The following TEX9 variants were observed in gnomAD, a reference collection of about 807,000 sequenced individuals.
TEX9 encodes the protein testis-expressed protein 9.
In TEX9, 74 loss-of-function variants were observed where a neutral mutation model predicts 59.6. The observed-to-expected ratio is 1.24, with a 90% CI of 1.03 to 1.51. TEX9 has a LOEUF of 1.51. Among genes scored for constraint, TEX9 ranks in the 40% most tolerant of loss-of-function variants. TEX9 has a pLI of 0.00. For missense variants in TEX9, 522 were observed against 447.8 expected, an observed-to-expected ratio of 1.17 and a Z score of -1.49; for synonymous variants, 186 against 152.2, an observed-to-expected ratio of 1.22 and a Z score of -1.64.
In TEX9 at chr15:56,384,475, A is replaced by G. The variant is rs535657091; in HGVS notation, c.263+444A>G. Among the ~76,000 whole-genome samples, 4 of 152,278 alleles carry G rather than the reference A, an allele frequency of 2.6e-5. No individual in the cohort carries two copies. In the South Asian group the frequency reaches 8.3e-4, roughly 32 times the overall value. ...AAGATGAGTAAAATTCCAATTGGTA[A>G]AATCTCCTAGCCTGGTGTCTGGGTG... is the stretch of plus-strand genomic sequence containing the variant. On this transcript the variant is annotated intron_variant, in intron 4 of 12. Coordinates refer to ENST00000352903, the Ensembl canonical transcript of TEX9.
At chr15:56,293,265 A>C (rs1470622763) in intron 1 of TEX9, among the ~76,000 whole-genome samples, 1 of 152,158 alleles carries the variant, frequency 6.6e-6, no homozygotes, top group African/African-American at 2.4e-5. Context: ...TGAACCCAAG[A>C]GTTTGCGGAC....
intron 1 of TEX9, among the ~76,000 whole-genome samples, chr15:56,287,706 A>G (rs553088995): frequency 6.6e-6 from 1 of 152,186 alleles, no homozygotes; most frequent in Non-Finnish European, 1.5e-5. Context: ...TCATGTAGTG[A>G]CCATTTTCTC....
intron 1 of TEX9, among the ~76,000 whole-genome samples, chr15:56,315,461 G>C (rs2045732463): frequency 6.7e-6 from 1 of 149,908 alleles, no homozygotes; most frequent in African/African-American, 2.4e-5. Flanking sequence ...TTGTCTTTAA[G>C]AATGTTGAAT....
At chr15:56,413,259 A>ATAC (rs1555445160) in intron 10 of TEX9, among the ~76,000 whole-genome samples, 6 of 107,616 alleles carry the variant, frequency 5.6e-5, no homozygotes, top group African/African-American at 1.4e-4. Context: ...AATTTATTTA[A>ATAC]TTAAATAATT....
intron 3 of TEX9, among the ~76,000 whole-genome samples, chr15:56,378,532 A>C (rs1388054434): frequency 6.6e-6 from 1 of 152,034 alleles, no homozygotes; most frequent in African/African-American, 2.4e-5. Flanking sequence ...GTAGCCACTA[A>C]TGAGCCTTTG....
chr15:56,420,623 T>C (rs1301054803), intron 10 of TEX9, among the ~76,000 whole-genome samples: 1 of 151,956 alleles, frequency 6.6e-6, no homozygotes, highest in Non-Finnish European at 1.5e-5. Context: ...TTCTAATTTT[T>C]AAAATGGAAG....
At chr15:56,316,622 C>T (rs1241354124) in intron 1 of TEX9, among the ~76,000 whole-genome samples, 1 of 152,112 alleles carries the variant, frequency 6.6e-6, no homozygotes, top group African/African-American at 2.4e-5. Flanking sequence ...CGCCCTGCCC[C>T]CAGAGGTGGA....
In TEX9 at chr15:56,441,833, T is replaced by C. The variant is rs555381955; in HGVS notation, c.*30-3838T>C. Among the ~76,000 whole-genome samples the C allele has an allele frequency of 2.2e-4, 33 of 151,988 alleles. No homozygotes were observed. The South Asian group carries it at 6.7e-3, about 31-fold the overall frequency. ...ATCGAGACCATCCTGGCTAACACGG[T>C]GAAACCCCATCTCTACTAAAAATAC... On this transcript the variant is annotated intron_variant, in intron 12 of 12. Coordinates refer to ENST00000352903, the Ensembl canonical transcript of TEX9.
At chr15:56,347,989 T>C (rs1168881751) in intron 1 of TEX9, among the ~76,000 whole-genome samples, 2 of 152,082 alleles carry the variant, frequency 1.3e-5, no homozygotes. Context: ...TAGAGGATGT[T>C]AGAAAAGTGC....
At chr15:56,324,274 G>C (rs912300506) in intron 1 of TEX9, among the ~76,000 whole-genome samples, 1 of 151,642 alleles carries the variant, frequency 6.6e-6, no homozygotes, top group Admixed American at 6.6e-5. Flanking sequence ...AACAGTACAA[G>C]TTCTTGTCCT....
At chr15:56,434,765 G>C (rs1333392247) in intron 12 of TEX9, among the ~76,000 whole-genome samples, 2 of 152,008 alleles carry the variant, frequency 1.3e-5, no homozygotes, top group Non-Finnish European at 2.9e-5. Context: ...GCTTACAAAA[G>C]CTGTCCAAAC....
intron 1 of TEX9, among the ~76,000 whole-genome samples, chr15:56,317,334 A>G (rs954264629): frequency 6.6e-6 from 1 of 152,230 alleles, no homozygotes; most frequent in South Asian, 2.1e-4. Flanking sequence ...ACAATTATTC[A>G]TTCCCTTATA....
At chr15:56,361,070 CCTGA>C (rs1236063842), upstream of TEX9, among the ~76,000 whole-genome samples, 2 of 152,180 alleles carry the variant, frequency 1.3e-5, no homozygotes, top group Non-Finnish European at 2.9e-5. Flanking sequence ...CATGGCCACA[CCTGA>C]CTGACCATCA....
chr15:56,424,303 C>G (rs2050139900), intron 10 of TEX9, among the ~76,000 whole-genome samples: 1 of 152,100 alleles, frequency 6.6e-6, no homozygotes, highest in Non-Finnish European at 1.5e-5. Flanking sequence ...TTACTGTAGT[C>G]ACTCCTGTGT....
chr15:56,403,671 C>G (rs1434285633), intron 9 of TEX9, among the ~76,000 whole-genome samples: 1 of 152,188 alleles, frequency 6.6e-6, no homozygotes, highest in Non-Finnish European at 1.5e-5. Context: ...CCCTCATTGC[C>G]AAGACAATCC....
chr15:56,444,725 G>T, intron 12 of TEX9: 1 of 1,394,616 alleles, frequency 7.2e-7, no homozygotes, highest in Non-Finnish European at 1.0e-6. Flanking sequence ...AACATAGTAC[G>T]ATAGTATATT....
intron 1 of TEX9, among the ~76,000 whole-genome samples, chr15:56,346,010 A>G (rs774762478): frequency 6.6e-6 from 1 of 152,222 alleles, no homozygotes; most frequent in Non-Finnish European, 1.5e-5. Context: ...AGTGCCTATC[A>G]TAAGTGGGAA....
intron 1 of TEX9, among the ~76,000 whole-genome samples, chr15:56,327,709 C>T (rs1233090131): frequency 3.3e-5 from 5 of 152,100 alleles, no homozygotes; most frequent in African/African-American, 4.8e-5. Context: ...GAGATTGCAG[C>T]GATTGCAGAA....
intron 1 of TEX9, among the ~76,000 whole-genome samples, chr15:56,343,819 G>T (rs1318172678): frequency 6.6e-6 from 1 of 152,026 alleles, no homozygotes; most frequent in Non-Finnish European, 1.5e-5. Flanking sequence ...ATTTAAAAGG[G>T]ATCAAAGGAT....
Sources: allele counts gnomAD v4.1 joint callset (sites outside exome capture counted in the v4.1 genomes callset), GRCh38; gene constraint gnomAD v4.1.1; transcripts MANE v1.5; gene names NCBI Gene and HGNC (gene_info 2026-07-23, HGNC 2026-07-21).